The following LUZP2 variants were observed in gnomAD, a reference collection of about 807,000 sequenced individuals.
The protein encoded by LUZP2 is leucine zipper protein 2.
In LUZP2, 52 loss-of-function variants were observed where a neutral mutation model predicts 51.6. The ratio of observed to expected loss-of-function variants is 1.01; its 90% CI spans 0.81 to 1.27. LUZP2 has a LOEUF of 1.27. LUZP2 is among the 50% of genes most tolerant of loss of function. The pLI, the probability that LUZP2 is intolerant of heterozygous loss-of-function variation, is 0.00. For missense variants in LUZP2, 436 were observed against 395.4 expected (o/e 1.10, Z -0.87); for synonymous variants, 154 against 137.3 (o/e 1.12, Z -0.85).
At chr11:24,647,786 T>C (rs1178512123) in intron 1 of LUZP2, among the ~76,000 whole-genome samples, 1 of 152,006 alleles carries the variant, frequency 6.6e-6, no homozygotes, top group Non-Finnish European at 1.5e-5. Context: ...CTACTTCAAT[T>C]ATTTTATTCT....
chr11:24,676,977 T>A (rs780277672), intron 1 of LUZP2, among the ~76,000 whole-genome samples: 2 of 152,174 alleles, frequency 1.3e-5, no homozygotes, highest in Non-Finnish European at 2.9e-5. Context: ...AAGCCTCTCA[T>A]AGCTTTTACA....
chr11:24,616,113 A>T (rs1176297726), intron 1 of LUZP2, among the ~76,000 whole-genome samples: 1 of 151,636 alleles, frequency 6.6e-6, no homozygotes, highest in African/African-American at 2.4e-5. Flanking sequence ...TTATACCAGT[A>T]TATAGTTTCA....
In LUZP2 at chr11:24,896,927, G is replaced by C. The variant is rs145644012; in HGVS notation, c.397-9064G>C. Among the ~76,000 whole-genome samples the C allele has an allele frequency of 1.7e-3, 258 of 152,302 alleles. 2 individuals carry two copies. Among genetic ancestry groups the C allele is most frequent in the African/African-American group, 6.0e-3 (249 of 41,552 alleles). On this transcript the variant is annotated intron_variant, in intron 5 of 11. Transcript: ENST00000336930. Reference sequence around the variant, plus strand: ...AAATTTTATGTCTCGCTAAAGGATTGTAAATACACCAATCAGCACTCTGTG... The same window carrying C: ...AAATTTTATGTCTCGCTAAAGGATTCTAAATACACCAATCAGCACTCTGTG...
chr11:25,013,991 C>T (rs1229874872), intron 9 of LUZP2, among the ~76,000 whole-genome samples: 1 of 151,866 alleles, frequency 6.6e-6, no homozygotes, highest in Non-Finnish European at 1.5e-5. Flanking sequence ...TGAGTGAGAA[C>T]ATGTGGTGTT....
intron 1 of LUZP2, among the ~76,000 whole-genome samples, chr11:24,625,659 A>T (rs919390497): frequency 2.6e-5 from 4 of 152,088 alleles, no homozygotes; most frequent in African/African-American, 9.7e-5. Flanking sequence ...AAAGTCCTTG[A>T]GGAAAAGTTT....
At chr11:24,574,238 TTC>T (rs1240721268) in intron 1 of LUZP2, among the ~76,000 whole-genome samples, 1 of 1,782 alleles carries the variant, frequency 5.6e-4, no homozygotes, top group Admixed American at 7.5e-3. Context: ...CTTTCTTTCT[TTC>T]TTTCTTTCTT....
chr11:24,630,793 C>T (rs915031578), intron 1 of LUZP2, among the ~76,000 whole-genome samples: 5 of 150,332 alleles, frequency 3.3e-5, no homozygotes, highest in African/African-American at 7.3e-5. Context: ...TTGAGTAGAG[C>T]GGTTATTTTA....
intron 9 of LUZP2, among the ~76,000 whole-genome samples, chr11:25,013,324 G>A (rs1402455266): frequency 6.6e-6 from 1 of 152,044 alleles, no homozygotes; most frequent in African/African-American, 2.4e-5. Flanking sequence ...AGTGACTGTA[G>A]TTATACAAAA....
intron 1 of LUZP2, among the ~76,000 whole-genome samples, chr11:24,524,604 CT>C (rs939569041): frequency 6.6e-6 from 1 of 151,658 alleles, no homozygotes; most frequent in African/African-American, 2.4e-5. Flanking sequence ...TCCATTAACT[CT>C]TTTAGATCCC....
intron 9 of LUZP2, among the ~76,000 whole-genome samples, chr11:24,990,617 C>T (rs1353136587): frequency 6.6e-6 from 1 of 151,972 alleles, no homozygotes; most frequent in Non-Finnish European, 1.5e-5. Context: ...ACAAAACTTC[C>T]ATTAAAACAG....
At chr11:24,741,937 A>T (rs1159559751) in intron 4 of LUZP2, among the ~76,000 whole-genome samples, 1 of 13,008 alleles carries the variant, frequency 7.7e-5, no homozygotes, top group East Asian at 5.3e-3. Flanking sequence ...TATTATATAT[A>T]AATATATACA....
chr11:24,549,651 C>G (rs1851666621), intron 1 of LUZP2, among the ~76,000 whole-genome samples: 1 of 152,024 alleles, frequency 6.6e-6, no homozygotes, highest in South Asian at 2.1e-4. Flanking sequence ...CATGAAGTTA[C>G]AAAGGCTACA....
intron 1 of LUZP2, among the ~76,000 whole-genome samples, chr11:24,523,512 C>G (rs915655078): frequency 6.8e-6 from 1 of 146,074 alleles, no homozygotes; most frequent in South Asian, 2.1e-4. Flanking sequence ...AAAAAGAATA[C>G]TTCGTTGATT....
chr11:24,546,162 C>A (rs984673759), intron 1 of LUZP2, among the ~76,000 whole-genome samples: 1 of 151,980 alleles, frequency 6.6e-6, no homozygotes, highest in Non-Finnish European at 1.5e-5. Flanking sequence ...AGTTGCTTAT[C>A]AGCTTAAGGA....
At chr11:24,915,396 G>A (rs114184256) in intron 7 of LUZP2, among the ~76,000 whole-genome samples, 288 of 152,064 alleles carry the variant, frequency 1.9e-3, no homozygotes, top group African/African-American at 6.4e-3. Context: ...TATACATATT[G>A]TGTCTTCATC....
At chr11:25,056,269 G>A (rs975461927) in intron 10 of LUZP2, among the ~76,000 whole-genome samples, 4 of 151,970 alleles carry the variant, frequency 2.6e-5, no homozygotes, top group African/African-American at 4.8e-5. Flanking sequence ...AGCAGTTGGC[G>A]GAAGTACTAT....
Position 24,678,599 on chromosome 11 carries a change from A to G in LUZP2, c.63-50570A>G, listed in dbSNP as rs537712615. On this transcript the variant is annotated intron_variant, in intron 1 of 11. Coordinates refer to ENST00000336930, the MANE Select transcript of LUZP2 (RefSeq NM_001009909.4). ...GTTCCCAACTACTTCTAAGCTACTC[A>G]ATAGCAGCCTTCAATTTTAGACATA... 2.0e-5 allele frequency among the ~76,000 whole-genome samples: 3 copies of G among 152,342 alleles called. No individual in the cohort carries two copies. The East Asian group carries it at 5.8e-4, about 29-fold the overall frequency.
At chr11:25,043,583 GAT>G (rs1292100530) in intron 9 of LUZP2, among the ~76,000 whole-genome samples, 2 of 151,334 alleles carry the variant, frequency 1.3e-5, no homozygotes, top group African/African-American at 2.4e-5. Context: ...CAGGATATAT[GAT>G]ATATATATAT....
chr11:24,915,391 A>C (rs1340367371), intron 7 of LUZP2, among the ~76,000 whole-genome samples: 1 of 152,098 alleles, frequency 6.6e-6, no homozygotes, highest in Non-Finnish European at 1.5e-5. Flanking sequence ...AAAGATATAC[A>C]TATTGTGTCT....
Sources: gnomAD v4.1 joint callset for allele counts (sites outside exome capture counted in the v4.1 genomes callset) on GRCh38, gnomAD v4.1.1 for gene constraint, MANE v1.5 for transcripts, NCBI Gene and HGNC (gene_info 2026-07-23, HGNC 2026-07-21) for gene names.